The following PRSS53 variants were observed in gnomAD, a reference collection of about 807,000 sequenced individuals.
The protein encoded by PRSS53 is serine protease 53.
In PRSS53, 54 loss-of-function variants were observed where a neutral mutation model predicts 62.7. That is an observed-to-expected ratio of 0.86 (90% confidence interval 0.69 to 1.08). The LOEUF (loss-of-function observed/expected upper bound fraction) is 1.08, where lower values mean the gene tolerates loss of function less well. Ranked by LOEUF, PRSS53 falls within the 50% of genes least tolerant of loss-of-function variation. The pLI is 0.00. For missense variants in PRSS53, 688 were observed against 728.3 expected, an observed-to-expected ratio of 0.94 and a Z score of 0.64; for synonymous variants, 273 against 300.0, an observed-to-expected ratio of 0.91 and a Z score of 0.93.
At chr16:31,083,942 T>C in intron 10 of PRSS53, 133 bp from the exon 11 acceptor site, 1 of 1,503,162 alleles carries the variant, frequency 6.7e-7, no homozygotes, top group Admixed American at 2.1e-5. Context: ...CTCAAAGCGG[T>C]TGAGCAGCCT....
chr16:31,084,001 C>T, intron 10 of PRSS53, 118 bp downstream of exon 10: 1 of 1,498,032 alleles, frequency 6.7e-7, no homozygotes, highest in East Asian at 2.5e-5. Context: ...TCAAATGGGT[C>T]TGCCTGTTGC....
At position 31,086,907 on chromosome 16, in the gene PRSS53, G is replaced by T; in HGVS notation, c.243-9C>A. The stretch of plus-strand genomic sequence containing the variant: ...GTTCTGTTGCTGCTGCCCTGGAAGG[G>T]GAAGGACAAGGTCCAGGCTGCTGAG... On this transcript the variant is annotated splice_polypyrimidine_tract_variant and intron_variant, in intron 3 of 10. Transcript: ENST00000280606. The T allele has an allele frequency of 6.3e-7, 1 of 1,581,068 alleles. No homozygotes were observed. The highest frequency in any genetic ancestry group is 8.6e-7 in the Non-Finnish European group (1 of 1,162,884).
Position 31,086,268 on chromosome 16 carries a change from C to T in PRSS53, c.663+69G>A. On this transcript the variant is annotated intron_variant, in intron 5 of 10. Transcript: ENST00000280606. ...CTGATTGCAGGTCTTTCCCCCAGTC[C>T]TGTGAGTCCAACCCCCAGCCCAGGG... is the stretch of plus-strand genomic sequence containing the variant. 4 of 1,584,548 alleles carry T rather than the reference C, an allele frequency of 2.5e-6. No homozygotes were observed. The South Asian group carries it at 3.4e-5, about 13-fold the overall frequency.
At chr16:31,084,924 C>A in exon 8 of PRSS53, 2 of 1,544,322 alleles carry the variant, frequency 1.3e-6, no homozygotes, top group Non-Finnish European at 1.7e-6. Flanking sequence ...TCGTAGCCCC[C>A]CTCAGGGTGG....
At chr16:31,086,873 A>G in exon 4 of PRSS53, 1 of 1,603,362 alleles carries the variant, frequency 6.2e-7, no homozygotes, top group Non-Finnish European at 8.5e-7. Flanking sequence ...ACCACTGACC[A>G]GGAATTCAGT....
chr16:31,088,314 C>G (rs962644738), intron 1 of PRSS53: 3 of 1,120,938 alleles, frequency 2.7e-6, no homozygotes, highest in African/African-American at 3.2e-5. Flanking sequence ...CAGAAACTGT[C>G]TGAGAGCCCG....
chr16:31,086,602 T>A, intron 4 of PRSS53, 31 bp downstream of exon 4: 1 of 1,542,184 alleles, frequency 6.5e-7, no homozygotes, highest in Non-Finnish European at 8.8e-7. Context: ...GCAGAGTGCC[T>A]CTCCGAGCTT....
intron 3 of PRSS53, 55 bp from the exon 4 acceptor site, chr16:31,086,953 C>T: frequency 6.7e-7 from 1 of 1,498,626 alleles, no homozygotes. Flanking sequence ...GACAGTGACA[C>T]CATGGGAGAC....
At chr16:31,084,278 G>A (rs1378231682) in exon 10 of PRSS53, 1 of 1,612,864 alleles carries the variant, frequency 6.2e-7, no homozygotes, top group Middle Eastern at 1.7e-4. Flanking sequence ...AAGCTGTGCA[G>A]CCCGGCCAGG....
rs1455854616 is a variant in PRSS53, at chr16:31,085,109, C to T, written c.1034+1G>A. ...ACAGCAGAGAGGGATCCAAGACTCA[C>T]CCAATGAAGCAGTGGGCAGCAGTTA... is the stretch of plus-strand genomic sequence containing the variant. On this transcript the variant is annotated splice_donor_variant, in intron 7 of 10. Transcript: ENST00000280606. LOFTEE classifies it high-confidence loss of function. 6.2e-7 allele frequency: 1 copy of T among 1,612,944 alleles called. No individual in the cohort carries two copies. The highest frequency in any genetic ancestry group is 1.3e-5 in the African/African-American group (1 of 74,930).
chr16:31,085,283 C>G, intron 6 of PRSS53, 23 bp from the exon 7 acceptor site: 1 of 1,519,218 alleles, frequency 6.6e-7, no homozygotes, highest in Non-Finnish European at 8.8e-7. Context: ...AGTGCCTCAT[C>G]TGACTTCTTG....
At chr16:31,083,859 T>TGCCCCCCCC in intron 10 of PRSS53, 50 bp from the exon 11 acceptor site, 1 of 1,590,052 alleles carries the variant, frequency 6.3e-7, no homozygotes, top group Non-Finnish European at 8.6e-7. Flanking sequence ...ACGGCTTTGG[T>TGCCCCCCCC]CCCTCCCTCC....
At chr16:31,084,985 G>A (rs370217577) in exon 8 of PRSS53, 3 of 1,573,372 alleles carry the variant, frequency 1.9e-6, no homozygotes, top group African/African-American at 2.7e-5. Context: ...CCTCCGGTCT[G>A]GTCCCCAGCC....
exon 9 of PRSS53, chr16:31,084,697 C>A: frequency 6.2e-7 from 1 of 1,611,504 alleles, no homozygotes; most frequent in East Asian, 2.2e-5. Context: ...CTGGAGGGAG[C>A]TGATGCCTGT....
exon 10 of PRSS53, chr16:31,084,211 T>C (rs1160492416): frequency 2.5e-6 from 4 of 1,611,442 alleles, no homozygotes; most frequent in Non-Finnish European, 3.4e-6. Context: ...CCAGTCCTCA[T>C]AGGCAGGGAG....
chr16:31,084,107 G>A lies in PRSS53; in HGVS notation c.1642+12C>T, dbSNP rs765802332. On this transcript the variant is annotated intron_variant, in intron 10 of 10. Transcript: ENST00000280606. ...GAGGCAGGGTTTGGCAGGAGGCCCC[G>A]GGGCCACATACTTATGTTGGCCAGG... The A allele has an allele frequency of 3.2e-5, 50 of 1,561,266 alleles. No individual in the cohort carries two copies. The Middle Eastern group carries it at 7.3e-4, about 23-fold the overall frequency.
At chr16:31,087,509 A>G (rs1282808636) in intron 3 of PRSS53, 28 bp downstream of exon 3, 1 of 1,577,706 alleles carries the variant, frequency 6.3e-7, no homozygotes, top group Non-Finnish European at 8.7e-7. Flanking sequence ...AGAGCCGGAG[A>G]CCCTGCCTGA....
At chr16:31,086,406 G>C (rs1431326666) in exon 5 of PRSS53, 1 of 1,614,042 alleles carries the variant, frequency 6.2e-7, no homozygotes, top group Non-Finnish European at 8.5e-7. Flanking sequence ...GGTTGGACAG[G>C]TGTCGCTGGT....
chr16:31,087,315 C>T (rs1275769419), intron 3 of PRSS53: 6 of 587,430 alleles, frequency 1.0e-5, no homozygotes, highest in Admixed American at 3.1e-5. Flanking sequence ...TGACTTTAAG[C>T]GAGGTCATTC....
Sources: gnomAD v4.1 joint callset for allele counts on GRCh38, gnomAD v4.1.1 for gene constraint, MANE v1.5 for transcripts, NCBI Gene and HGNC (gene_info 2026-07-23, HGNC 2026-07-21) for gene names.